The following TLN2 variants were observed in gnomAD, a reference collection of about 807,000 sequenced individuals.
The protein encoded by TLN2 is talin-2.
In TLN2, 118 loss-of-function variants were observed where a neutral mutation model predicts 294.7. The observed-to-expected ratio is 0.40, with a 90% CI of 0.34 to 0.47. TLN2 has a LOEUF of 0.47. TLN2 is among the 20% of genes least tolerant of loss of function. The pLI is 0.84. For synonymous variants in TLN2, 1,431 were observed against 1,304.5 expected (o/e 1.10, Z -2.09); for missense variants, 3,083 against 3,282.2 (o/e 0.94, Z 1.48).
intron 41 of TLN2, among the ~76,000 whole-genome samples, chr15:62,767,594 C>A (rs972999469): frequency 7.2e-5 from 11 of 152,192 alleles, no homozygotes; most frequent in African/African-American, 2.7e-4. Context: ...CTGCCTCGGC[C>A]TCCCAAAGTT....
chr15:62,687,238 A>T (rs79521884), intron 12 of TLN2, among the ~76,000 whole-genome samples: 2,062 of 152,332 alleles, frequency 0.014, 56 homozygotes, highest in African/African-American at 0.047. Context: ...AGAGCATAGT[A>T]CACAGTGGAA....
rs771750764 is a variant in TLN2, at chr15:62,606,248, A to ATTTTTTT, written c.-161-12094_-161-12088dup. On this transcript the variant is annotated intron_variant, in intron 2 of 58. Coordinates refer to ENST00000636159, the MANE Select transcript of TLN2 (RefSeq NM_015059.3). ...AGGCACCCACCACCATGCTTGGCTAATTTTTTTTTTTTTTTGTATTTTTAG... is the reference window on the plus strand; with the variant it reads ...AGGCACCCACCACCATGCTTGGCTAATTTTTTTTTTTTTTTTTTTTTTGTATTTTTAG... 8.8e-3 allele frequency among the ~76,000 whole-genome samples: 1,207 copies of ATTTTTTT among 136,694 alleles called. 25 individuals are homozygous for ATTTTTTT. The highest frequency in any genetic ancestry group is 0.022 in the African/African-American group (786 of 36,222). The allele number at this position is 136,694 out of a possible 152,430, so 89.7% of individuals were successfully genotyped here. A position where few individuals can be genotyped will look rare whatever the true frequency, so the allele number is the denominator to read the frequency against.
chr15:62,716,385 G>A lies in TLN2; in HGVS notation c.2689G>A (p.Ala897Thr). 1.2e-6 allele frequency: 2 copies of A among 1,611,300 alleles called. No homozygotes were observed. The highest frequency in any genetic ancestry group is 1.7e-6 in the Non-Finnish European group (2 of 1,178,846). Residue 897 changes from alanine (A) to threonine (T), a missense_variant, in exon 23 of 59, where the codon GCA (alanine) becomes ACA (threonine). By Grantham distance (58) the Ala-to-Thr change is moderately conservative (BLOSUM62 0). Transcript: ENST00000636159. ...CCAGCAGCAAAGGCTGAGAGAAGCT[G>A]CAGAAGGCCTCCGGGTAGCAACCAA... ...EDQQQRLREA[A>T]EGLRVATNAA...
At chr15:62,745,677 C>G (rs2061570910) in intron 32 of TLN2, among the ~76,000 whole-genome samples, 2 of 152,100 alleles carry the variant, frequency 1.3e-5, no homozygotes, top group Admixed American at 1.3e-4. Flanking sequence ...CCCAGGATTC[C>G]CTTGAGGGCT....
chr15:62,464,474 A>G (rs1389593649), intron 1 of TLN2, among the ~76,000 whole-genome samples: 1 of 152,100 alleles, frequency 6.6e-6, no homozygotes, highest in Non-Finnish European at 1.5e-5. Flanking sequence ...CCTAACGTAA[A>G]TGATGAGTTG....
At position 62,739,380 on chromosome 15, in the gene TLN2, C is replaced by A; in HGVS notation, c.3720C>A (p.Ala1240=). 6.2e-7 allele frequency: 1 copy of A among 1,613,992 alleles called. No homozygotes were observed. The part of the protein sequence containing the change: ...LPPSTKPFQE[A]QSELNQAAAD... ...CAAGCACGAAGCCTTTCCAGGAAGC[C>A]CAGAGTGAACTGAACCAGGCAGCAG... Residue 1240 remains alanine (A), a synonymous_variant, in exon 31 of 59, where the codon GCC becomes GCA. Coordinates refer to ENST00000636159, the MANE Select transcript of TLN2 (RefSeq NM_015059.3).
In TLN2 at chr15:62,512,901, A is replaced by G. The variant is rs558262241; in HGVS notation, c.-237-76786A>G. 4.6e-5 allele frequency among the ~76,000 whole-genome samples: 7 copies of G among 152,274 alleles called. No homozygotes were observed. The East Asian group carries it at 1.4e-3, about 29-fold the overall frequency. On this transcript the variant is annotated intron_variant, in intron 1 of 58. Coordinates refer to ENST00000636159, the MANE Select transcript of TLN2 (RefSeq NM_015059.3). ...CTGTTTCCCATTCATCTGGCTTGCA[A>G]AACTGAACTCTAGTCTTAAATCCTC...
chr15:62,762,323 A>G lies in TLN2; in HGVS notation c.4831A>G (p.Ser1611Gly), dbSNP rs1406674251. 6.2e-7 allele frequency: 1 copy of G among 1,613,974 alleles called. No individual in the cohort carries two copies. Among genetic ancestry groups the G allele is most frequent in the Non-Finnish European group, 8.5e-7 (1 of 1,180,026 alleles). Residue 1611 changes from serine to glycine, a missense_variant, in exon 39 of 59, where the codon AGT (serine) becomes GGT (glycine). Physicochemically the swap from Ser to Gly is moderately conservative, Grantham distance 56. Coordinates refer to ENST00000636159, the MANE Select transcript of TLN2 (RefSeq NM_015059.3). ...GGTCTCAGCCAAGACCATGCTGGAG[A>G]GTTCATCGTACCTCATTCGCACTGC... ...ILVSAKTMLE[S>G]SSYLIRTARS...
At chr15:62,610,250 T>A (rs1453103936) in intron 2 of TLN2, among the ~76,000 whole-genome samples, 3 of 152,258 alleles carry the variant, frequency 2.0e-5, no homozygotes, top group Non-Finnish European at 4.4e-5. Flanking sequence ...ATTATTTTAT[T>A]ACAGTAGTTA....
intron 1 of TLN2, among the ~76,000 whole-genome samples, chr15:62,495,476 G>T (rs1199683443): frequency 1.3e-5 from 2 of 152,224 alleles, no homozygotes; most frequent in Admixed American, 6.5e-5. Flanking sequence ...TAGGGGTAAA[G>T]TGGGACCTCC....
chr15:62,512,181 A>T (rs536980249), intron 1 of TLN2, among the ~76,000 whole-genome samples: 68 of 152,312 alleles, frequency 4.5e-4, no homozygotes, highest in African/African-American at 1.6e-3. Context: ...GACAGACTCT[A>T]GAGCCCCTCA....
intron 9 of TLN2, among the ~76,000 whole-genome samples, chr15:62,663,067 G>A (rs1290893785): frequency 1.3e-5 from 2 of 151,976 alleles, no homozygotes; most frequent in African/African-American, 4.8e-5. Flanking sequence ...CTCCTGCCTC[G>A]GCCTCCCAAA....
In TLN2 at chr15:62,424,173, A is replaced by G. The variant is rs192660436; in HGVS notation, c.-238+33488A>G. 2.6e-5 allele frequency among the ~76,000 whole-genome samples: 4 copies of G among 152,264 alleles called. No individual in the cohort carries two copies. The East Asian group carries it at 5.8e-4, about 22-fold the overall frequency. ...CAGTGGGTTGTGGTGGGATTGAGACATTGCATATATGAGGCACATAGCATG... is the reference window on the plus strand; with the variant it reads ...CAGTGGGTTGTGGTGGGATTGAGACGTTGCATATATGAGGCACATAGCATG... On this transcript the variant is annotated intron_variant, in intron 1 of 58. Transcript: ENST00000636159.
intron 44 of TLN2, 61 bp downstream of exon 44, chr15:62,781,302 T>C (rs2064144639): frequency 6.1e-6 from 8 of 1,311,982 alleles, no homozygotes; most frequent in Middle Eastern, 2.1e-4. Flanking sequence ...CTGCCGCCGC[T>C]GAGCCTGCAA....
At chr15:62,740,816 A>AT in intron 32 of TLN2, 47 bp downstream of exon 32, 1 of 1,609,034 alleles carries the variant, frequency 6.2e-7, no homozygotes, top group Non-Finnish European at 8.5e-7. Context: ...AGACAGTGTC[A>AT]TTGCAGTCTG....
At chr15:62,476,474 G>A (rs1203099555) in intron 1 of TLN2, 2 of 152,288 alleles carry the variant, frequency 1.3e-5, no homozygotes, top group African/African-American at 4.8e-5. Context: ...TCTCCAGCCA[G>A]GTCTGGCTGA....
chr15:62,465,052 C>G (rs567609400), intron 1 of TLN2, among the ~76,000 whole-genome samples: 1 of 147,558 alleles, frequency 6.8e-6, no homozygotes, highest in Admixed American at 6.8e-5. Context: ...GATTTCCTCT[C>G]TCATTTGCTC....
chr15:62,733,266 G>A (rs1190771251), intron 28 of TLN2, among the ~76,000 whole-genome samples: 3 of 152,184 alleles, frequency 2.0e-5, no homozygotes, highest in Non-Finnish European at 4.4e-5. Flanking sequence ...GGAGACTTAA[G>A]CATCCATTAG....
chr15:62,408,571 C>T (rs2033571375), intron 1 of TLN2, among the ~76,000 whole-genome samples: 1 of 152,266 alleles, frequency 6.6e-6, no homozygotes, highest in Non-Finnish European at 1.5e-5. Context: ...CCTGTAGATT[C>T]TAACCCATGT....
Sources: allele counts gnomAD v4.1 joint callset (sites outside exome capture counted in the v4.1 genomes callset), GRCh38; gene constraint gnomAD v4.1.1; transcripts MANE v1.5; gene names NCBI Gene and HGNC (gene_info 2026-07-23, HGNC 2026-07-21).